Variants in ANKRD55 observed in about 807,000 individuals in gnomAD.
ANKRD55 encodes the protein ankyrin repeat domain-containing protein 55.
ANKRD55 carries 41 observed loss-of-function variants against 60.6 expected under a neutral mutation model. That is an observed-to-expected ratio of 0.68 (90% CI 0.53 to 0.88). ANKRD55 has a LOEUF of 0.88. ANKRD55 is among the 40% of genes least tolerant of loss of function. The probability of loss-of-function intolerance (pLI) is 0.00; values close to 1 mark genes in which losing one functional copy is unlikely to be tolerated. For synonymous variants in ANKRD55, 264 were observed against 290.3 expected (o/e 0.91, Z 0.92); for missense variants, 732 against 767.6 (o/e 0.95, Z 0.55).
At chr5:56,107,922 T>C (rs1181133143) in intron 10 of ANKRD55, among the ~76,000 whole-genome samples, 1 of 151,524 alleles carries the variant, frequency 6.6e-6, no homozygotes, top group East Asian at 1.9e-4. Context: ...AAGTCTGGGG[T>C]GCAGTGGTGC....
At chr5:56,140,843 A>T (rs1487163682) in intron 7 of ANKRD55, among the ~76,000 whole-genome samples, 1 of 152,146 alleles carries the variant, frequency 6.6e-6, no homozygotes, top group Non-Finnish European at 1.5e-5. Context: ...CAGGTGAATC[A>T]GCTGAGTTCA....
intron 2 of ANKRD55, chr5:56,193,168 G>A: frequency 1.4e-6 from 1 of 690,646 alleles, no homozygotes; most frequent in Non-Finnish European, 2.4e-6. Context: ...AGGGCTGTAT[G>A]AGTGGAGGAG....
Position 56,161,290 on chromosome 5 carries a change from AG to A in ANKRD55, c.423-1398del, listed in dbSNP as rs201493432. Among the ~76,000 whole-genome samples the A allele has an allele frequency of 1.1e-3, 172 of 152,346 alleles. 3 individuals are homozygous for A. The East Asian group carries it at 0.029, about 26-fold the overall frequency. On this transcript the variant is annotated intron_variant, in intron 5 of 11. Coordinates refer to ENST00000341048, the MANE Select transcript of ANKRD55 (RefSeq NM_024669.3). Reference sequence around the variant, plus strand: ...AGCCAGGCTTGGAAACAATTGAGAAAGGTGCTGAAAGAATTAATCAATGGAT... The same window carrying A: ...AGCCAGGCTTGGAAACAATTGAGAAAGTGCTGAAAGAATTAATCAATGGAT...
At chr5:56,233,110 T>C (rs1368909403) in intron 1 of ANKRD55, 131 bp downstream of exon 1, 6 of 604,050 alleles carry the variant, frequency 9.9e-6, no homozygotes, top group Middle Eastern at 6.1e-4. Flanking sequence ...TGTAAATACC[T>C]GCTAGGAAAA....
Position 56,183,500 on chromosome 5 carries a change from T to C in ANKRD55, c.181+12A>G. ...CAGAACATTCTGGATTCAAAATGCA[T>C]ACATATCTCACCTTCACTGTCACAG... On this transcript the variant is annotated intron_variant, in intron 3 of 11. Transcript: ENST00000341048. The C allele has an allele frequency of 6.2e-7, 1 of 1,613,730 alleles. No individual in the cohort carries two copies. The highest frequency in any genetic ancestry group is 8.5e-7 in the Non-Finnish European group (1 of 1,179,890).
At chr5:56,102,338 T>A (rs1237396675) in intron 11 of ANKRD55, among the ~76,000 whole-genome samples, 156 bp downstream of exon 11, 29 of 151,134 alleles carry the variant, frequency 1.9e-4, no homozygotes, top group Non-Finnish European at 2.5e-4. Context: ...TGCAGTGAGC[T>A]GAGATCATGT....
intron 7 of ANKRD55, among the ~76,000 whole-genome samples, chr5:56,133,354 G>C (rs2111736317): frequency 6.6e-6 from 1 of 150,786 alleles, no homozygotes; most frequent in Non-Finnish European, 1.5e-5. Flanking sequence ...TAGGAGAATG[G>C]CTTGAACCTA....
chr5:56,197,113 T>C (rs1387936963), intron 2 of ANKRD55, among the ~76,000 whole-genome samples: 2 of 152,198 alleles, frequency 1.3e-5, no homozygotes, highest in African/African-American at 4.8e-5. Flanking sequence ...ACTGCCCCAT[T>C]ATTAAGACAT....
chr5:56,152,118 AT>A lies in ANKRD55; in HGVS notation c.483+7714del, dbSNP rs57126840. Among the ~76,000 whole-genome samples, 116 of 89,842 alleles carry A rather than the reference AT, an allele frequency of 1.3e-3. 1 individual carries two copies. The highest frequency in any genetic ancestry group is 5.5e-3 in the Middle Eastern group (1 of 182). The allele number at this position is 89,842 out of a possible 152,430, so 58.9% of individuals were successfully genotyped here. A position where few individuals can be genotyped will look rare whatever the true frequency, so the allele number is the denominator to read the frequency against. Reference sequence around the variant, plus strand: ...TCCTAAGTAGTGGTGACCCTACTCCATTTTTTTTTTTTTAGATGTTCGGTCT... The same window carrying A: ...TCCTAAGTAGTGGTGACCCTACTCCATTTTTTTTTTTTAGATGTTCGGTCT... On this transcript the variant is annotated intron_variant, in intron 6 of 11. Transcript: ENST00000341048.
chr5:56,135,290 G>GCTTTCTTTCTTTCTTT (rs753607878), intron 7 of ANKRD55, among the ~76,000 whole-genome samples: 3 of 69,328 alleles, frequency 4.3e-5, no homozygotes, highest in East Asian at 4.3e-4. Flanking sequence ...CTGCCTGCCT[G>GCTTTCTTTCTTTCTTT]CTTGCTTTCT....
At chr5:56,203,566 A>G (rs1759429162) in intron 2 of ANKRD55, among the ~76,000 whole-genome samples, 1 of 151,972 alleles carries the variant, frequency 6.6e-6, no homozygotes, top group Non-Finnish European at 1.5e-5. Flanking sequence ...ATTCCCACCT[A>G]TGAGTGAGAA....
At position 56,176,200 on chromosome 5, in the gene ANKRD55, G is replaced by A. The variant is rs139617893; in HGVS notation, c.264C>T (p.Asn88=). 1.9e-5 allele frequency: 31 copies of A among 1,614,076 alleles called. No homozygotes were observed. In the African/African-American group the frequency reaches 2.8e-4, roughly 15 times the overall value. Residue 88 remains asparagine, a synonymous_variant, in exon 4 of 12, where the codon AAC becomes AAT. Transcript: ENST00000341048. ...TTGTGCGGCCATAAGCATCCTGCAT[G>A]TTAATATTGGCTCCCATCTTCAACA... ...KLLLKMGANI[N]MQDAYGRTSL...
At chr5:56,167,663 T>C (rs189675628) in intron 5 of ANKRD55, among the ~76,000 whole-genome samples, 1 of 152,318 alleles carries the variant, frequency 6.6e-6, no homozygotes, top group Admixed American at 6.5e-5. Flanking sequence ...TATAACTAAC[T>C]ACGTCATCTG....
In ANKRD55 at chr5:56,148,227, C is replaced by T. The variant is rs780861573; in HGVS notation, c.484-4298G>A. On this transcript the variant is annotated intron_variant, in intron 6 of 11. Coordinates refer to ENST00000341048, the MANE Select transcript of ANKRD55 (RefSeq NM_024669.3). ...GCCATCTGTGTCCAAGTTATGGAGA[C>T]CTTTCCAACCAGTTACTTCCTGGAG... is the stretch of plus-strand genomic sequence containing the variant. 2.0e-4 allele frequency among the ~76,000 whole-genome samples: 30 copies of T among 152,182 alleles called. 1 individual carries two copies. The highest frequency in any genetic ancestry group is 2.6e-4 in the Admixed American group (4 of 15,278).
chr5:56,148,358 A>G (rs1304693970), intron 6 of ANKRD55, among the ~76,000 whole-genome samples: 2 of 152,220 alleles, frequency 1.3e-5, no homozygotes, highest in Non-Finnish European at 2.9e-5. Flanking sequence ...TGGTGACGGG[A>G]GAATTCTACT....
chr5:56,205,356 T>C (rs1759476158), intron 2 of ANKRD55, among the ~76,000 whole-genome samples: 1 of 152,180 alleles, frequency 6.6e-6, no homozygotes, highest in Admixed American at 6.6e-5. Flanking sequence ...CCACTGCACC[T>C]GGGCTAGACT....
chr5:56,155,837 G>A lies in ANKRD55; in HGVS notation c.483+3996C>T, dbSNP rs140288527. Among the ~76,000 whole-genome samples the A allele has an allele frequency of 3.6e-3, 438 of 120,228 alleles. 3 individuals carry two copies. Among genetic ancestry groups the A allele is most frequent in the African/African-American group, 0.014 (415 of 30,614 alleles). The allele number at this position is 120,228 out of a possible 152,430, so 78.9% of individuals were successfully genotyped here. A position where few individuals can be genotyped will look rare whatever the true frequency, so the allele number is the denominator to read the frequency against. ...TGCACTGTAGCCTGGGCCACAGAAT[G>A]AGACCCTGCCTCAAAAAAAAAAAAA... On this transcript the variant is annotated intron_variant, in intron 6 of 11. Transcript: ENST00000341048.
chr5:56,178,143 A>G (rs1205146446), intron 3 of ANKRD55, among the ~76,000 whole-genome samples: 3 of 152,036 alleles, frequency 2.0e-5, no homozygotes, highest in Non-Finnish European at 4.4e-5. Flanking sequence ...GATATTAAAC[A>G]GCAATTCTGA....
chr5:56,116,539 G>T, intron 9 of ANKRD55, 76 bp downstream of exon 9: 2 of 1,276,964 alleles, frequency 1.6e-6, no homozygotes, highest in Non-Finnish European at 2.1e-6. Context: ...TTGCACCTTG[G>T]CAATTTAAAA....
Sources: gnomAD v4.1 joint callset for allele counts (sites outside exome capture counted in the v4.1 genomes callset) on GRCh38, gnomAD v4.1.1 for gene constraint, MANE v1.5 for transcripts, NCBI Gene and HGNC (gene_info 2026-07-23, HGNC 2026-07-21) for gene names.